The following LRP1B variants were observed in gnomAD, a reference collection of about 807,000 sequenced individuals.
LRP1B encodes the protein low-density lipoprotein receptor-related protein 1B.
A neutral mutation model predicts 556.6 loss-of-function variants in LRP1B; 217 were observed. That is an observed-to-expected ratio of 0.39 (90% CI 0.35 to 0.44). The LOEUF (loss-of-function observed/expected upper bound fraction) is 0.44. LRP1B is among the 20% of genes least tolerant of loss of function. LRP1B has a pLI of 1.00. For synonymous variants in LRP1B, 2,047 were observed against 1,865.8 expected, an observed-to-expected ratio of 1.10 and a Z score of -2.50; for missense variants, 5,053 against 5,620.8, an observed-to-expected ratio of 0.90 and a Z score of 3.23.
At chr2:141,458,657 A>G (rs1681730891) in intron 3 of LRP1B, among the ~76,000 whole-genome samples, 1 of 149,934 alleles carries the variant, frequency 6.7e-6, no homozygotes, top group South Asian at 2.1e-4. Context: ...TTTTTTTTAA[A>G]TCGTAAAACC....
chr2:140,346,237 G>T (rs1681677529), intron 77 of LRP1B, among the ~76,000 whole-genome samples: 1 of 151,544 alleles, frequency 6.6e-6, no homozygotes, highest in South Asian at 2.1e-4. Flanking sequence ...TACACTTTTT[G>T]ATTAATAATT....
rs183270997 is a variant in LRP1B, at chr2:140,698,336, T to G, written c.6799+1914A>C. ...TGTGTATGTGGGTCATGTCTATATC[T>G]ATTTACCATATTAGAAATTTAAACT... On this transcript the variant is annotated intron_variant, in intron 41 of 90. Coordinates refer to ENST00000389484, the MANE Select transcript of LRP1B (RefSeq NM_018557.3). 4.7e-4 allele frequency among the ~76,000 whole-genome samples: 71 copies of G among 152,242 alleles called. 1 individual carries two copies. The East Asian group carries it at 7.5e-3, about 16-fold the overall frequency.
intron 51 of LRP1B, among the ~76,000 whole-genome samples, chr2:140,510,528 A>G (rs1689606901): frequency 6.6e-6 from 1 of 152,202 alleles, no homozygotes. Context: ...AAGAAAACTG[A>G]GGCTCGGGGA....
chr2:140,356,560 T>C, intron 74 of LRP1B, 84 bp from the exon 75 acceptor site: 1 of 905,248 alleles, frequency 1.1e-6, no homozygotes, highest in Non-Finnish European at 1.7e-6. Context: ...TTTGAAATGG[T>C]ATTTATTATT....
intron 41 of LRP1B, among the ~76,000 whole-genome samples, chr2:140,680,677 G>C (rs1685830839): frequency 6.6e-6 from 1 of 152,004 alleles, no homozygotes; most frequent in Non-Finnish European, 1.5e-5. Context: ...TCAAATCTAA[G>C]TCTCACTATT....
At chr2:141,028,062 C>T (rs1222852200) in intron 11 of LRP1B, among the ~76,000 whole-genome samples, 1 of 152,034 alleles carries the variant, frequency 6.6e-6, no homozygotes, top group Non-Finnish European at 1.5e-5. Flanking sequence ...TACAGAAATT[C>T]TCTGTACTAT....
At chr2:141,636,916 T>G (rs904095557) in intron 2 of LRP1B, among the ~76,000 whole-genome samples, 2 of 152,108 alleles carry the variant, frequency 1.3e-5, no homozygotes, top group Non-Finnish European at 2.9e-5. Context: ...TGTAAATATA[T>G]AGAAGGATGC....
At chr2:141,332,718 A>AT (rs34784852) in intron 3 of LRP1B, among the ~76,000 whole-genome samples, 1 of 146,268 alleles carries the variant, frequency 6.8e-6, no homozygotes, top group African/African-American at 2.5e-5. Flanking sequence ...GTTTTGCCTT[A>AT]TTTTTTTATA....
chr2:140,897,719 C>T (rs1693992561), intron 23 of LRP1B, among the ~76,000 whole-genome samples: 1 of 152,176 alleles, frequency 6.6e-6, no homozygotes, highest in African/African-American at 2.4e-5. Flanking sequence ...ATGCTTCCTG[C>T]CCTCAAACAT....
intron 3 of LRP1B, among the ~76,000 whole-genome samples, chr2:141,325,540 T>C (rs1409294801): frequency 6.6e-6 from 1 of 152,176 alleles, no homozygotes; most frequent in Non-Finnish European, 1.5e-5. Context: ...TAGATGATTT[T>C]CCTCTCACCC....
intron 41 of LRP1B, among the ~76,000 whole-genome samples, chr2:140,689,128 C>T (rs1559056104): frequency 6.6e-6 from 1 of 152,106 alleles, no homozygotes; most frequent in Non-Finnish European, 1.5e-5. Context: ...CTAAATATGG[C>T]CTGAGAAGAA....
chr2:141,709,500 T>C (rs1311839682), intron 2 of LRP1B, among the ~76,000 whole-genome samples: 8 of 152,180 alleles, frequency 5.3e-5, no homozygotes, highest in Admixed American at 1.3e-4. Flanking sequence ...GAGGAAGTAC[T>C]AATGATGCCT....
At chr2:141,459,575 G>A (rs1450357002) in intron 3 of LRP1B, among the ~76,000 whole-genome samples, 2 of 152,100 alleles carry the variant, frequency 1.3e-5, no homozygotes, top group Non-Finnish European at 2.9e-5. Flanking sequence ...ATTCCCGAGT[G>A]TTGTGGGAGG....
intron 11 of LRP1B, among the ~76,000 whole-genome samples, chr2:141,044,171 A>G (rs888663955): frequency 2.0e-5 from 3 of 151,770 alleles, no homozygotes; most frequent in Non-Finnish European, 4.4e-5. Flanking sequence ...CAATGGGGAA[A>G]GGATTCCCTA....
intron 7 of LRP1B, among the ~76,000 whole-genome samples, chr2:141,144,066 A>C (rs1701722736): frequency 6.6e-6 from 1 of 152,166 alleles, no homozygotes; most frequent in Admixed American, 6.6e-5. Flanking sequence ...GCTATCACAC[A>C]GGTCTTCATT....
chr2:140,288,167 G>A (rs1683230389), intron 84 of LRP1B, among the ~76,000 whole-genome samples: 1 of 137,814 alleles, frequency 7.3e-6, no homozygotes, highest in African/African-American at 2.7e-5. Context: ...TTTTTTCCTT[G>A]ACAGCTGACA....
chr2:141,448,341 G>A (rs183041622), intron 3 of LRP1B, among the ~76,000 whole-genome samples: 2 of 152,304 alleles, frequency 1.3e-5, no homozygotes, highest in African/African-American at 2.4e-5. Flanking sequence ...CTAGGTCTTA[G>A]CTTGCTGGGC....
chr2:141,527,986 G>A (rs945957221), intron 2 of LRP1B, among the ~76,000 whole-genome samples: 4 of 151,872 alleles, frequency 2.6e-5, no homozygotes, highest in African/African-American at 9.7e-5. Flanking sequence ...CTCAGATGAG[G>A]TCTACTAAAA....
At chr2:140,916,532 C>A (rs191252883) in intron 21 of LRP1B, among the ~76,000 whole-genome samples, 1 of 152,292 alleles carries the variant, frequency 6.6e-6, no homozygotes, top group Non-Finnish European at 1.5e-5. Context: ...CCAGTCAGTT[C>A]TGTTACATTC....
Sources: allele counts gnomAD v4.1 joint callset (sites outside exome capture counted in the v4.1 genomes callset), GRCh38; gene constraint gnomAD v4.1.1; transcripts MANE v1.5; gene names NCBI Gene and HGNC (gene_info 2026-07-23, HGNC 2026-07-21).